LDB2: variants seen among roughly 807,000 people sequenced by gnomAD.
LDB2 encodes the protein LIM domain-binding protein 2.
A neutral mutation model predicts 44.3 loss-of-function variants in LDB2; 12 were observed. That is an observed-to-expected ratio of 0.27 (90% CI 0.17 to 0.44). The LOEUF (loss-of-function observed/expected upper bound fraction) is 0.44, where lower values mean the gene tolerates loss of function less well. LDB2 is among the 20% of genes least tolerant of loss of function. LDB2 has a pLI of 1.00. For missense variants in LDB2, 344 were observed against 473.5 expected (o/e 0.73, Z 2.54); for synonymous variants, 164 against 174.8 (o/e 0.94, Z 0.49).
chr4:16,591,389 C>T (rs1718905075), intron 3 of LDB2, among the ~76,000 whole-genome samples: 1 of 152,110 alleles, frequency 6.6e-6, no homozygotes, highest in Admixed American at 6.5e-5. Flanking sequence ...CATGGGCCTA[C>T]AAATGGAAAA....
intron 1 of LDB2, among the ~76,000 whole-genome samples, chr4:16,846,432 A>AGCAGTTCTG: frequency 6.6e-6 from 1 of 152,242 alleles, no homozygotes; most frequent in South Asian, 2.1e-4. Flanking sequence ...AAAAGATCAA[A>AGCAGTTCTG]CTCTTTAGCA....
intron 2 of LDB2, among the ~76,000 whole-genome samples, chr4:16,603,445 T>C (rs1723103234): frequency 1.3e-5 from 2 of 152,158 alleles, no homozygotes; most frequent in Non-Finnish European, 1.5e-5. Flanking sequence ...AGGTGGTATA[T>C]TCCCGTGATC....
intron 5 of LDB2, among the ~76,000 whole-genome samples, chr4:16,523,440 T>C (rs1727025825): frequency 6.6e-6 from 1 of 152,204 alleles, no homozygotes; most frequent in Non-Finnish European, 1.5e-5. Context: ...AGAAATACTT[T>C]ATGGCCTCTC....
intron 2 of LDB2, among the ~76,000 whole-genome samples, chr4:16,614,580 C>CAAA (rs1164613202): frequency 9.1e-4 from 49 of 53,776 alleles, no homozygotes; most frequent in Middle Eastern, 0.014. Flanking sequence ...CAAGAAAAAA[C>CAAA]AAAAAAAAAA....
chr4:16,605,883 T>G (rs903164411), intron 2 of LDB2, among the ~76,000 whole-genome samples: 1 of 152,170 alleles, frequency 6.6e-6, no homozygotes, highest in Non-Finnish European at 1.5e-5. Flanking sequence ...GAGGGGGAAC[T>G]GCCACATTTG....
In LDB2 at chr4:16,595,797, T is replaced by G; in HGVS notation, c.314A>C (p.Lys105Thr). The change falls in exon 3 of 8, where the codon AAA becomes ACA. Residue 105 changes from lysine to threonine, a missense_variant. Lys to Thr is a moderately conservative substitution (Grantham distance 78). Transcript: ENST00000304523. ...GTTGTGGTATGACTCTTTCGAGTGTTTGAGAATGTAATACAGGTCGGTCAC... is the reference window on the plus strand; with the variant it reads ...GTTGTGGTATGACTCTTTCGAGTGTGTGAGAATGTAATACAGGTCGGTCAC... Reference protein sequence around the residue: ...GGVTDLYYILKHSKESYHNSS... With the variant: ...GGVTDLYYILTHSKESYHNSS... 2 of 1,613,612 alleles carry G rather than the reference T, an allele frequency of 1.2e-6. No individual in the cohort carries two copies. The highest frequency in any genetic ancestry group is 1.7e-6 in the Non-Finnish European group (2 of 1,179,814).
chr4:16,629,528 G>T (rs1056191104), intron 2 of LDB2, among the ~76,000 whole-genome samples: 1 of 152,084 alleles, frequency 6.6e-6, no homozygotes, highest in African/African-American at 2.4e-5. Flanking sequence ...CAGCAGACCT[G>T]CAGCTGAGGG....
At chr4:16,505,346 T>A (rs181632159) in intron 7 of LDB2, among the ~76,000 whole-genome samples, 31 of 151,192 alleles carry the variant, frequency 2.1e-4, no homozygotes, top group African/African-American at 5.1e-4. Flanking sequence ...TGTGTGTGTG[T>A]GAGAGAGAGA....
intron 2 of LDB2, among the ~76,000 whole-genome samples, chr4:16,612,016 C>G (rs1725786451): frequency 1.3e-5 from 2 of 152,194 alleles, no homozygotes; most frequent in Admixed American, 1.3e-4. Flanking sequence ...CAAACAGTCT[C>G]TCAGACCACA....
chr4:16,835,968 T>C (rs2110078354), intron 1 of LDB2, among the ~76,000 whole-genome samples: 1 of 152,324 alleles, frequency 6.6e-6, no homozygotes, highest in East Asian at 1.9e-4. Flanking sequence ...GGGTACAAGG[T>C]CCTGACTTGT....
chr4:16,736,064 C>A (rs1388060967), intron 2 of LDB2, among the ~76,000 whole-genome samples: 1 of 152,206 alleles, frequency 6.6e-6, no homozygotes. Flanking sequence ...CACCAGCCAT[C>A]ACTGGCCAGC....
intron 5 of LDB2, among the ~76,000 whole-genome samples, chr4:16,552,558 T>C (rs1738058396): frequency 6.6e-6 from 1 of 152,114 alleles, no homozygotes; most frequent in Admixed American, 6.6e-5. Context: ...AAAATGACGC[T>C]TATTACTCTT....
intron 1 of LDB2, among the ~76,000 whole-genome samples, chr4:16,813,738 G>A (rs1300165442): frequency 6.6e-6 from 1 of 152,190 alleles, no homozygotes; most frequent in Non-Finnish European, 1.5e-5. Flanking sequence ...CAGCAAGTTA[G>A]AGGCCAAAAC....
chr4:16,843,525 T>C (rs1786302225), intron 1 of LDB2, among the ~76,000 whole-genome samples: 1 of 152,228 alleles, frequency 6.6e-6, no homozygotes, highest in Non-Finnish European at 1.5e-5. Flanking sequence ...AAATATGAGA[T>C]ATTTTAAACC....
intron 2 of LDB2, among the ~76,000 whole-genome samples, chr4:16,667,399 C>T (rs1743579424): frequency 6.6e-6 from 1 of 152,106 alleles, no homozygotes; most frequent in Non-Finnish European, 1.5e-5. Flanking sequence ...GGGCAATGTG[C>T]CATTATCATT....
chr4:16,779,373 G>T (rs531695253), intron 1 of LDB2, among the ~76,000 whole-genome samples: 1 of 152,160 alleles, frequency 6.6e-6, no homozygotes, highest in East Asian at 1.9e-4. Context: ...AACTAAGTGC[G>T]CTTTCGAAGC....
At chr4:16,592,173 C>A (rs929779801) in intron 3 of LDB2, among the ~76,000 whole-genome samples, 1 of 152,082 alleles carries the variant, frequency 6.6e-6, no homozygotes, top group African/African-American at 2.4e-5. Context: ...AACAAGAAAA[C>A]TAAAAAAGAA....
intron 2 of LDB2, among the ~76,000 whole-genome samples, chr4:16,689,796 T>C (rs932954089): frequency 6.6e-6 from 1 of 152,244 alleles, no homozygotes; most frequent in Non-Finnish European, 1.5e-5. Flanking sequence ...TCTGGTGAGC[T>C]AATGGCTTCT....
At chr4:16,860,269 C>T (rs1712083556) in intron 1 of LDB2, among the ~76,000 whole-genome samples, 1 of 152,132 alleles carries the variant, frequency 6.6e-6, no homozygotes, top group Admixed American at 6.5e-5. Flanking sequence ...CTAATGAGAC[C>T]TTTAAGAAAT....
Sources: allele counts gnomAD v4.1 joint callset (sites outside exome capture counted in the v4.1 genomes callset), GRCh38; gene constraint gnomAD v4.1.1; transcripts MANE v1.5; gene names NCBI Gene and HGNC (gene_info 2026-07-23, HGNC 2026-07-21).